Variants in UBQLN1 observed in about 807,000 individuals in gnomAD.
UBQLN1 encodes the protein ubiquilin-1.
UBQLN1 carries 13 observed loss-of-function variants against 65.4 expected under a neutral mutation model. The observed-to-expected ratio is 0.20, with a 90% CI of 0.13 to 0.32. UBQLN1 has a LOEUF of 0.32. UBQLN1 is among the 10% of genes least tolerant of loss of function. The pLI is 1.00. For synonymous variants in UBQLN1, 267 were observed against 247.8 expected (o/e 1.08, Z -0.73); for missense variants, 561 against 724.0 (o/e 0.77, Z 2.58).
At position 83,695,553 on chromosome 9, in the gene UBQLN1, TG is replaced by T. The variant is rs1323686594; in HGVS notation, c.181-9399del. 3.1e-4 allele frequency among the ~76,000 whole-genome samples: 47 copies of T among 152,288 alleles called. No individual in the cohort carries two copies. The South Asian group carries it at 5.6e-3, about 18-fold the overall frequency. On this transcript the variant is annotated intron_variant, in intron 1 of 10. Coordinates refer to ENST00000376395, the MANE Select transcript of UBQLN1 (RefSeq NM_013438.5). ...ATTTCTTAATTTTAAAGCAAAAATA[TG>T]TAAAAGGTATTTTTTAAATGTAAAA...
At position 83,704,399 on chromosome 9, in the gene UBQLN1, G is replaced by C. The variant is rs1289536166; in HGVS notation, c.180+3101C>G. Among the ~76,000 whole-genome samples the C allele has an allele frequency of 3.3e-5, 5 of 152,128 alleles. No homozygotes were observed. In the East Asian group the frequency reaches 9.6e-4, roughly 29 times the overall value. On this transcript the variant is annotated intron_variant, in intron 1 of 10. Transcript: ENST00000376395. ...TATACAAAGCCCAACTTGTCTACAG[G>C]TTCTCTGGTGTGGTGATAAGCGTCA... is the stretch of plus-strand genomic sequence containing the variant.
chr9:83,689,263 G>A (rs1351475404), intron 1 of UBQLN1, among the ~76,000 whole-genome samples: 1 of 152,006 alleles, frequency 6.6e-6, no homozygotes, highest in Non-Finnish European at 1.5e-5. Flanking sequence ...CCTTTCTATG[G>A]CCAAATAGTA....
intron 6 of UBQLN1, among the ~76,000 whole-genome samples, chr9:83,677,295 G>A (rs765188165): frequency 6.6e-6 from 1 of 152,208 alleles, no homozygotes; most frequent in Non-Finnish European, 1.5e-5. Flanking sequence ...AGGTGCAGCG[G>A]CTCACACCTA....
At chr9:83,680,135 C>A in intron 3 of UBQLN1, 98 bp from the exon 4 acceptor site, 1 of 1,219,826 alleles carries the variant, frequency 8.2e-7, no homozygotes, top group Non-Finnish European at 1.1e-6. Flanking sequence ...TTAGCTGACC[C>A]AATAGTCTAT....
intron 1 of UBQLN1, among the ~76,000 whole-genome samples, chr9:83,702,006 A>AT (rs1832317983): frequency 6.6e-6 from 1 of 152,248 alleles, no homozygotes; most frequent in African/African-American, 2.4e-5. Context: ...GTACCGGCAC[A>AT]TGCTTCAACA....
At chr9:83,693,234 A>AAC (rs1554729520) in intron 1 of UBQLN1, among the ~76,000 whole-genome samples, 20 of 152,222 alleles carry the variant, frequency 1.3e-4, no homozygotes, top group African/African-American at 4.6e-4. Flanking sequence ...ACTTTCAGCA[A>AAC]CCCCATTTTT....
At chr9:83,688,912 C>G (rs1564169248) in intron 1 of UBQLN1, among the ~76,000 whole-genome samples, 1 of 151,846 alleles carries the variant, frequency 6.6e-6, no homozygotes, top group Non-Finnish European at 1.5e-5. Context: ...AAATACCTAC[C>G]AAAAAATAGT....
At chr9:83,693,455 TTC>T (rs1302989305) in intron 1 of UBQLN1, among the ~76,000 whole-genome samples, 1 of 139,104 alleles carries the variant, frequency 7.2e-6, no homozygotes, top group African/African-American at 2.7e-5. Context: ...ATCTGCCTTT[TTC>T]TTTTTCTTAT....
intron 1 of UBQLN1, among the ~76,000 whole-genome samples, chr9:83,700,892 C>T (rs1832299290): frequency 6.6e-6 from 1 of 152,176 alleles, no homozygotes; most frequent in Non-Finnish European, 1.5e-5. Flanking sequence ...ATTAGCTTTA[C>T]ACAGAGGGTG....
chr9:83,702,478 T>C (rs1352481482), intron 1 of UBQLN1, among the ~76,000 whole-genome samples: 1 of 152,176 alleles, frequency 6.6e-6, no homozygotes, highest in Non-Finnish European at 1.5e-5. Flanking sequence ...CTGGATAAGA[T>C]GTTGTCCAGC....
chr9:83,668,003 A>T (rs1391482598), intron 7 of UBQLN1: 1 of 985,326 alleles, frequency 1.0e-6, no homozygotes, highest in Admixed American at 6.2e-5. Flanking sequence ...TGCTTGTTAA[A>T]GTCAAATTTT....
intron 6 of UBQLN1, among the ~76,000 whole-genome samples, chr9:83,677,465 G>A (rs752382531): frequency 6.6e-6 from 1 of 152,170 alleles, no homozygotes; most frequent in Non-Finnish European, 1.5e-5. Flanking sequence ...GGGAGGCTGA[G>A]GCAGAAGAAT....
At chr9:83,669,891 G>A (rs187569065) in intron 6 of UBQLN1, among the ~76,000 whole-genome samples, 151 of 152,252 alleles carry the variant, frequency 9.9e-4, no homozygotes, top group African/African-American at 3.5e-3. Context: ...GCCTGATTAC[G>A]TGGGTTCAAA....
chr9:83,681,615 CA>C (rs945263801), intron 3 of UBQLN1, among the ~76,000 whole-genome samples: 3 of 152,162 alleles, frequency 2.0e-5, no homozygotes, highest in African/African-American at 7.2e-5. Context: ...ACACCATATA[CA>C]AAAAGCACAA....
intron 1 of UBQLN1, among the ~76,000 whole-genome samples, chr9:83,705,957 T>C (rs938339631): frequency 2.0e-5 from 3 of 150,392 alleles, no homozygotes; most frequent in South Asian, 2.1e-4. Flanking sequence ...AACTGGGTGG[T>C]TGATGGAAAG....
chr9:83,679,640 A>G, intron 4 of UBQLN1, 135 bp downstream of exon 4: 1 of 928,984 alleles, frequency 1.1e-6, no homozygotes, highest in Non-Finnish European at 1.5e-6. Context: ...CGCTTTGTTG[A>G]GTTTTCTTAA....
intron 6 of UBQLN1, among the ~76,000 whole-genome samples, chr9:83,673,295 T>C (rs1297536173): frequency 4.0e-5 from 6 of 150,384 alleles, no homozygotes; most frequent in South Asian, 2.1e-4. Flanking sequence ...TCCTAGCACT[T>C]TGGGAGGCCA....
At position 83,701,577 on chromosome 9, in the gene UBQLN1, GC is replaced by G. The variant is rs551021438; in HGVS notation, c.180+5922del. The stretch of plus-strand genomic sequence containing the variant: ...TCCAGTTTTCCTCAGAGTGCCCCCA[GC>G]AAAAATAATAATGAAAATAAAAAGC... On this transcript the variant is annotated intron_variant, in intron 1 of 10. Transcript: ENST00000376395. Among the ~76,000 whole-genome samples the G allele has an allele frequency of 3.9e-5, 6 of 152,168 alleles. No individual in the cohort carries two copies. The South Asian group carries it at 1.2e-3, about 32-fold the overall frequency.
intron 6 of UBQLN1, among the ~76,000 whole-genome samples, chr9:83,669,812 C>G (rs1438687236): frequency 6.6e-6 from 1 of 152,196 alleles, no homozygotes; most frequent in Non-Finnish European, 1.5e-5. Flanking sequence ...CTGCCACTCA[C>G]TGAGTAAAAT....
Sources: allele counts gnomAD v4.1 joint callset (sites outside exome capture counted in the v4.1 genomes callset), GRCh38; gene constraint gnomAD v4.1.1; transcripts MANE v1.5; gene names NCBI Gene and HGNC (gene_info 2026-07-23, HGNC 2026-07-21).